The following AQR variants were observed in gnomAD, a reference collection of about 807,000 sequenced individuals.
AQR encodes the protein RNA helicase aquarius.
AQR carries 61 observed loss-of-function variants against 180.5 expected under a neutral mutation model. That is an observed-to-expected ratio of 0.34 (90% CI 0.28 to 0.42). The LOEUF is 0.42. Among genes scored for constraint, AQR ranks in the 10% least tolerant of loss-of-function variants. The probability of loss-of-function intolerance (pLI) is 1.00; values close to 1 mark genes in which losing one functional copy is unlikely to be tolerated. For missense variants in AQR, 1,281 were observed against 1,798.3 expected (o/e 0.71, Z 5.20); for synonymous variants, 551 against 588.8 (o/e 0.94, Z 0.93).
chr15:34,943,077 A>T (rs1430169012), intron 6 of AQR: 1 of 1,611,592 alleles, frequency 6.2e-7, no homozygotes. Context: ...CGCTCACGCA[A>T]GCATGGTTAA....
At chr15:34,866,317 G>C (rs977719375) in intron 32 of AQR, among the ~76,000 whole-genome samples, 21 of 152,086 alleles carry the variant, frequency 1.4e-4, no homozygotes, top group Non-Finnish European at 2.5e-4. Context: ...CCCCCATGAA[G>C]AAGTTGGAGT....
intron 26 of AQR, among the ~76,000 whole-genome samples, chr15:34,883,000 G>A (rs1892998778): frequency 6.6e-6 from 1 of 152,174 alleles, no homozygotes; most frequent in Non-Finnish European, 1.5e-5. Context: ...GGTTATATAA[G>A]TGATAGAGGA....
chr15:34,917,076 G>A (rs1159725936), intron 15 of AQR, among the ~76,000 whole-genome samples: 5 of 151,792 alleles, frequency 3.3e-5, no homozygotes, highest in Non-Finnish European at 5.9e-5. Flanking sequence ...TATAGCAATC[G>A]CTATCTTGAA....
At chr15:34,956,135 G>A (rs919587465) in intron 3 of AQR, among the ~76,000 whole-genome samples, 3 of 152,084 alleles carry the variant, frequency 2.0e-5, no homozygotes, top group Admixed American at 1.3e-4. Context: ...TAATTCGTAA[G>A]GCTATACATT....
At chr15:34,885,617 T>C (rs1893049015) in intron 25 of AQR, among the ~76,000 whole-genome samples, 1 of 152,188 alleles carries the variant, frequency 6.6e-6, no homozygotes, top group African/African-American at 2.4e-5. Flanking sequence ...AGGTTATTTT[T>C]CCCACTTTTA....
intron 33 of AQR, 105 bp downstream of exon 33, chr15:34,862,762 T>C: frequency 8.0e-7 from 1 of 1,242,988 alleles, no homozygotes; most frequent in Non-Finnish European, 1.1e-6. Flanking sequence ...AAACAGGGAC[T>C]AAATTATCTA....
chr15:34,858,480 TA>T (rs1209480093), intron 34 of AQR, among the ~76,000 whole-genome samples: 2 of 152,194 alleles, frequency 1.3e-5, no homozygotes, highest in Non-Finnish European at 2.9e-5. Flanking sequence ...TAGGAAGACT[TA>T]ATATGTGAAG....
At chr15:34,964,206 G>C (rs1428108734) in intron 2 of AQR, 28 bp downstream of exon 2, 2 of 1,513,302 alleles carry the variant, frequency 1.3e-6, no homozygotes, top group East Asian at 2.3e-5. Flanking sequence ...AACTTCTCAA[G>C]AATTATGTTG....
At position 34,920,450 on chromosome 15, in the gene AQR, C is replaced by A; in HGVS notation, c.1119-16G>T. 1 of 1,567,942 alleles carries A rather than the reference C, an allele frequency of 6.4e-7. No individual in the cohort carries two copies. The highest frequency in any genetic ancestry group is 8.7e-7 in the Non-Finnish European group (1 of 1,146,162). On this transcript the variant is annotated splice_polypyrimidine_tract_variant and intron_variant, in intron 13 of 34. Transcript: ENST00000156471. ...TGTGTTTGAACTGCAGAATAGAGAA[C>A]AATATTTTATTCATAGTAACTTACT...
chr15:34,864,068 G>T (rs912263716), intron 32 of AQR, among the ~76,000 whole-genome samples: 7 of 152,154 alleles, frequency 4.6e-5, no homozygotes, highest in Non-Finnish European at 7.3e-5. Flanking sequence ...GTAACATTCA[G>T]AGAGACAGAG....
rs138766638 is a variant in AQR, at chr15:34,940,348, T to C, written c.641+551A>G. Among the ~76,000 whole-genome samples the C allele has an allele frequency of 5.4e-3, 816 of 152,224 alleles. 11 individuals carry two copies. The highest frequency in any genetic ancestry group is 0.019 in the African/African-American group (772 of 41,538). ...GAGTTTGAGACCAGCCTGACCAACATGGAGAAACCCTGTCTCTATTAAAAA... is the reference window on the plus strand; with the variant it reads ...GAGTTTGAGACCAGCCTGACCAACACGGAGAAACCCTGTCTCTATTAAAAA... On this transcript the variant is annotated intron_variant, in intron 8 of 34. Coordinates refer to ENST00000156471, the MANE Select transcript of AQR (RefSeq NM_014691.3).
chr15:34,926,350 C>T (rs1893763796), intron 13 of AQR, among the ~76,000 whole-genome samples: 1 of 152,066 alleles, frequency 6.6e-6, no homozygotes, highest in African/African-American at 2.4e-5. Context: ...AGGAACTAAA[C>T]ATAATTTATC....
intron 32 of AQR, among the ~76,000 whole-genome samples, chr15:34,866,590 C>T (rs746729852): frequency 3.3e-5 from 5 of 151,746 alleles, no homozygotes; most frequent in Non-Finnish European, 5.9e-5. Context: ...AGGAGGGGGG[C>T]GGAAGGAGTA....
rs1294892839 is a variant in AQR at position 34,870,861 on chromosome 15, G to C, written c.3659C>G (p.Pro1220Arg). 6.2e-7 allele frequency: 1 copy of C among 1,613,208 alleles called. No individual in the cohort carries two copies. The highest frequency in any genetic ancestry group is 8.5e-7 in the Non-Finnish European group (1 of 1,179,614). The change falls in exon 31 of 35, where the codon CCT becomes CGT. Residue 1220 changes from proline to arginine, a missense_variant. By Grantham distance (103) the Pro-to-Arg change is moderately radical (BLOSUM62 -2). Around this residue, in one of 9 missense-constraint regions of AQR, gnomAD observed 197 missense variants for 320.7 expected, o/e 0.61. Coordinates refer to ENST00000156471, the MANE Select transcript of AQR (RefSeq NM_014691.3). ...LFMYMCLLGYPADKISILTTY... is the reference protein window; with the variant it reads ...LFMYMCLLGYRADKISILTTY... ...TGTTAGAATACTGATTTTGTCAGCA[G>C]GGTAACCAAGTAAACACATGTACAT...
At chr15:34,906,003 C>T (rs1893408877) in intron 18 of AQR, among the ~76,000 whole-genome samples, 1 of 152,032 alleles carries the variant, frequency 6.6e-6, no homozygotes, top group South Asian at 2.1e-4. Flanking sequence ...CACTGCACTC[C>T]AGCCTGGTTG....
chr15:34,883,947 G>A (rs1275981774), intron 26 of AQR, among the ~76,000 whole-genome samples: 3 of 152,070 alleles, frequency 2.0e-5, no homozygotes, highest in Non-Finnish European at 4.4e-5. Context: ...AGGCATACAG[G>A]ACTTAGAATG....
At chr15:34,909,229 G>A (rs1167609039) in intron 17 of AQR, among the ~76,000 whole-genome samples, 1 of 152,166 alleles carries the variant, frequency 6.6e-6, no homozygotes, top group African/African-American at 2.4e-5. Context: ...AAGGTAAAAG[G>A]AGGTAAAACC....
chr15:34,886,203 A>G (rs1032117933), intron 25 of AQR, among the ~76,000 whole-genome samples: 14 of 152,190 alleles, frequency 9.2e-5, no homozygotes, highest in Admixed American at 8.5e-4. Context: ...GCCACTGGCT[A>G]GCTAGAATAT....
At chr15:34,969,447 G>T in intron 1 of AQR, 92 bp downstream of exon 1, 1 of 1,318,146 alleles carries the variant, frequency 7.6e-7, no homozygotes. Context: ...GCCTCCTCCG[G>T]ACTCCTAAAT....
Sources: allele counts gnomAD v4.1 joint callset (sites outside exome capture counted in the v4.1 genomes callset), GRCh38; gene constraint gnomAD v4.1.1; regional missense constraint gnomAD v4.1.1; transcripts MANE v1.5; gene names NCBI Gene and HGNC (gene_info 2026-07-23, HGNC 2026-07-21).